The following ACSS1 variants were observed in gnomAD, a reference collection of about 807,000 sequenced individuals.
ACSS1 encodes acyl-CoA synthetase short chain family member 1.
A neutral mutation model predicts 75.3 loss-of-function variants in ACSS1; 42 were observed. The observed-to-expected ratio is 0.56, with a 90% CI of 0.44 to 0.72. The LOEUF (loss-of-function observed/expected upper bound fraction) is 0.72, where lower values mean the gene tolerates loss of function less well. Among genes scored for constraint, ACSS1 ranks in the 30% least tolerant of loss-of-function variants. The pLI, the probability that ACSS1 is intolerant of heterozygous loss-of-function variation, is 0.00. For synonymous variants in ACSS1, 380 were observed against 376.8 expected (o/e 1.01, Z -0.10); for missense variants, 782 against 935.7 (o/e 0.84, Z 2.14).
chr20:25,032,422 C>T (rs2088842778), intron 2 of ACSS1: 2 of 1,395,786 alleles, frequency 1.4e-6, no homozygotes, highest in Non-Finnish European at 1.9e-6. Context: ...GTTGTCTTTC[C>T]TTTCGGCGCC....
At chr20:25,027,301 A>G (rs1341186296) in intron 3 of ACSS1, among the ~76,000 whole-genome samples, 1 of 152,242 alleles carries the variant, frequency 6.6e-6, no homozygotes, top group Non-Finnish European at 1.5e-5. Context: ...TGAGGCCAGC[A>G]TTACCCTGAT....
At chr20:25,023,338 A>G in intron 4 of ACSS1, 128 bp downstream of exon 4, 2 of 1,206,442 alleles carry the variant, frequency 1.7e-6, no homozygotes, top group Non-Finnish European at 1.2e-6. Context: ...ACTCAAGCTC[A>G]CCAAATACCA....
intron 2 of ACSS1, chr20:25,046,511 A>G (rs1032602247): frequency 9.2e-6 from 4 of 433,546 alleles, no homozygotes; most frequent in Admixed American, 7.3e-5. Flanking sequence ...CACCTGAGAG[A>G]CTGATGGAGA....
At chr20:25,044,988 C>T (rs192542907) in intron 2 of ACSS1, among the ~76,000 whole-genome samples, 1 of 152,240 alleles carries the variant, frequency 6.6e-6, no homozygotes, top group Admixed American at 6.5e-5. Flanking sequence ...GGAGGGGGTC[C>T]TCCTCTCCAA....
chr20:25,022,859 G>C, intron 5 of ACSS1, 81 bp downstream of exon 5: 1 of 1,472,984 alleles, frequency 6.8e-7, no homozygotes. Context: ...TACAGGCCTC[G>C]CTCTGCAGCA....
At chr20:25,035,607 T>C (rs983594359) in intron 2 of ACSS1, among the ~76,000 whole-genome samples, 3 of 152,102 alleles carry the variant, frequency 2.0e-5, no homozygotes, top group African/African-American at 7.2e-5. Context: ...TTTCACCATG[T>C]TGGCCAGGCT....
intron 3 of ACSS1, among the ~76,000 whole-genome samples, chr20:25,025,248 C>T (rs2088695550): frequency 6.6e-6 from 1 of 152,222 alleles, no homozygotes; most frequent in African/African-American, 2.4e-5. Context: ...CTGACTCGCA[C>T]CTGTCCAGGG....
intron 2 of ACSS1, among the ~76,000 whole-genome samples, chr20:25,045,235 C>T (rs2089066881): frequency 1.3e-5 from 2 of 152,216 alleles, no homozygotes; most frequent in Admixed American, 1.3e-4. Flanking sequence ...TAGGGAGCTG[C>T]ACAAGGTCAC....
chr20:25,057,375 C>A (rs1041266268), intron 1 of ACSS1, among the ~76,000 whole-genome samples: 1 of 152,246 alleles, frequency 6.6e-6, no homozygotes, highest in Non-Finnish European at 1.5e-5. Flanking sequence ...GGTATGGGAA[C>A]GGGAAAGTCC....
chr20:25,016,082 T>C (rs149814845), intron 7 of ACSS1, among the ~76,000 whole-genome samples: 295 of 152,288 alleles, frequency 1.9e-3, no homozygotes, highest in African/African-American at 6.8e-3. Flanking sequence ...GGCACGCTCC[T>C]GCAGAGGAAC....
intron 6 of ACSS1, 59 bp downstream of exon 6, chr20:25,021,330 C>A (rs2088620599): frequency 1.3e-6 from 2 of 1,586,024 alleles, no homozygotes; most frequent in East Asian, 4.5e-5. Context: ...AAGCCTCGAG[C>A]CTCAGGCTCT....
At chr20:25,037,548 C>G (rs1237481044) in intron 2 of ACSS1, among the ~76,000 whole-genome samples, 2 of 152,234 alleles carry the variant, frequency 1.3e-5, no homozygotes, top group Non-Finnish European at 2.9e-5. Flanking sequence ...TCAGTCACTT[C>G]TCTCCAAGCA....
In ACSS1 at chr20:25,041,127, A is replaced by G. The variant is rs952072556; in HGVS notation, c.431+6958T>C. ...CAAAAAATTAGCCGGGCGTGGTGGCAGGTGCCTGTAGTCCCAGCTACTCAG... is the reference window on the plus strand; with the variant it reads ...CAAAAAATTAGCCGGGCGTGGTGGCGGGTGCCTGTAGTCCCAGCTACTCAG... On this transcript the variant is annotated intron_variant, in intron 2 of 13. Transcript: ENST00000323482. Among the ~76,000 whole-genome samples, 21 of 152,150 alleles carry G rather than the reference A, an allele frequency of 1.4e-4. No homozygotes were observed. The East Asian group carries it at 3.1e-3, about 22-fold the overall frequency.
Position 25,007,895 on chromosome 20 carries a change from C to T in ACSS1, c.1937G>A (p.Arg646Gln), listed in dbSNP as rs761291852. ...ACTAGTGATGATCTTCCTCAGGAGCCGCCGCATGACCTTCCCAGACCTGGT... is the reference window on the plus strand; with the variant it reads ...ACTAGTGATGATCTTCCTCAGGAGCTGCCGCATGACCTTCCCAGACCTGGT... The part of the protein sequence containing the change: ...PKTRSGKVMR[R>Q]LLRKIITSEA... The change falls in exon 14 of 14, where the codon CGG (arginine) becomes CAG (glutamine). Residue 646 changes from arginine to glutamine, a missense_variant. This residue lies in a region of ACSS1 where 405 missense variants were observed against 552.6 expected (regional missense o/e 0.73). Transcript: ENST00000323482. The T allele has an allele frequency of 1.6e-5, 26 of 1,614,198 alleles. No homozygotes were observed. Among genetic ancestry groups the T allele is most frequent in the Middle Eastern group, 1.6e-4 (1 of 6,062 alleles).
intron 6 of ACSS1, 143 bp downstream of exon 6, chr20:25,021,246 C>T (rs2088618841): frequency 5.4e-6 from 6 of 1,117,154 alleles, no homozygotes; most frequent in Non-Finnish European, 6.2e-6. Context: ...CCCCACCGGG[C>T]ATTTCGACAG....
In ACSS1 at chr20:25,007,652, G is replaced by T; in HGVS notation, c.*110C>A. Reference sequence around the variant, plus strand: ...GGGCGGTGTGGGTCATGTGTGGGGTGGGGGCTGCTTCTGGGACGTAGGAAG... The same window carrying T: ...GGGCGGTGTGGGTCATGTGTGGGGTTGGGGCTGCTTCTGGGACGTAGGAAG... On this transcript the variant is annotated 3_prime_UTR_variant, in exon 14 of 14. Transcript: ENST00000323482. 1 of 1,528,010 alleles carries T rather than the reference G, an allele frequency of 6.5e-7. No homozygotes were observed. The highest frequency in any genetic ancestry group is 1.3e-5 in the South Asian group (1 of 77,866). 94.7% of individuals were successfully genotyped at this position (1,528,010 alleles called of 1,614,324 possible). A position where few individuals can be genotyped will look rare whatever the true frequency, so the allele number is the denominator to read the frequency against.
intron 2 of ACSS1, among the ~76,000 whole-genome samples, chr20:25,044,808 C>G (rs1395550127): frequency 6.6e-6 from 1 of 152,212 alleles, no homozygotes; most frequent in African/African-American, 2.4e-5. Flanking sequence ...GAAGGGCTGC[C>G]TCAGCTGGCT....
At chr20:25,010,631 C>G (rs2088390305) in intron 12 of ACSS1, 1 of 152,398 alleles carries the variant, frequency 6.6e-6, no homozygotes, top group Non-Finnish European at 1.5e-5. Context: ...TGTCAGTCCC[C>G]CTGCTGCCAC....
intron 2 of ACSS1, among the ~76,000 whole-genome samples, chr20:25,038,232 G>A (rs189268385): frequency 1.9e-3 from 289 of 152,320 alleles, no homozygotes; most frequent in African/African-American, 6.6e-3. Context: ...AGACTCTGTG[G>A]AAAGCGCTGA....
Sources: gnomAD v4.1 joint callset for allele counts (sites outside exome capture counted in the v4.1 genomes callset) on GRCh38, gnomAD v4.1.1 for gene constraint, gnomAD v4.1.1 regional missense constraint, MANE v1.5 for transcripts, NCBI Gene and HGNC (gene_info 2026-07-23, HGNC 2026-07-21) for gene names.